Variants in MALRD1 observed in about 807,000 individuals in gnomAD.
MALRD1 encodes MAM and LDL receptor class A domain containing 1.
In MALRD1, 247 loss-of-function variants were observed where a neutral mutation model predicts 242.1. That is an observed-to-expected ratio of 1.02 (90% CI 0.92 to 1.13). The LOEUF (loss-of-function observed/expected upper bound fraction) is 1.13. MALRD1 is among the 50% of genes most tolerant of loss of function. MALRD1 has a pLI of 0.00. For missense variants in MALRD1, 2,989 were observed against 2,533.1 expected (o/e 1.18, Z -3.86); for synonymous variants, 995 against 866.6 (o/e 1.15, Z -2.60).
chr10:19,559,162 G>C (rs531082227), intron 32 of MALRD1, among the ~76,000 whole-genome samples: 9 of 151,824 alleles, frequency 5.9e-5, no homozygotes, highest in African/African-American at 2.2e-4. Flanking sequence ...CAGCCTGGGT[G>C]ACAGAACAAG....
chr10:19,594,017 A>G (rs1214356806), intron 33 of MALRD1, among the ~76,000 whole-genome samples: 2 of 152,118 alleles, frequency 1.3e-5, no homozygotes, highest in African/African-American at 4.8e-5. Context: ...GCGGATCTCT[A>G]TTTCTGTGGC....
At chr10:19,414,944 A>C (rs1332324288) in intron 28 of MALRD1, among the ~76,000 whole-genome samples, 2 of 152,186 alleles carry the variant, frequency 1.3e-5, no homozygotes, top group Non-Finnish European at 2.9e-5. Context: ...AAATGATCTT[A>C]TTTTCCATAA....
intron 18 of MALRD1, among the ~76,000 whole-genome samples, chr10:19,257,458 A>C (rs927429986): frequency 2.0e-5 from 3 of 152,102 alleles, no homozygotes; most frequent in Non-Finnish European, 2.9e-5. Context: ...AAGAAATGCA[A>C]TGAGTTCCAT....
intron 36 of MALRD1, among the ~76,000 whole-genome samples, chr10:19,641,079 A>G (rs1477898162): frequency 6.6e-6 from 1 of 152,174 alleles, no homozygotes; most frequent in African/African-American, 2.4e-5. Flanking sequence ...GACCTTTGGC[A>G]TGCATTTATC....
intron 35 of MALRD1, among the ~76,000 whole-genome samples, chr10:19,611,547 G>C (rs1838896121): frequency 1.3e-5 from 2 of 151,920 alleles, no homozygotes; most frequent in Non-Finnish European, 2.9e-5. Context: ...CCAACACAAA[G>C]GGGTACAAAC....
chr10:19,163,371 G>C (rs894431736), intron 12 of MALRD1, among the ~76,000 whole-genome samples: 9 of 151,768 alleles, frequency 5.9e-5, no homozygotes, highest in African/African-American at 2.2e-4. Context: ...TGGAGCTGGA[G>C]GCCATTATCC....
At chr10:19,373,055 A>T (rs1208578161) in intron 26 of MALRD1, among the ~76,000 whole-genome samples, 2 of 152,036 alleles carry the variant, frequency 1.3e-5, no homozygotes, top group African/African-American at 4.8e-5. Context: ...AATTTTAAAG[A>T]TGAAAAGTCT....
chr10:19,495,692 G>A (rs148013050), intron 30 of MALRD1, among the ~76,000 whole-genome samples: 13 of 152,240 alleles, frequency 8.5e-5, no homozygotes, highest in African/African-American at 2.6e-4. Context: ...ACCAGCTAAT[G>A]ACATGATGAC....
chr10:19,565,231 G>A (rs1270183273), intron 32 of MALRD1, among the ~76,000 whole-genome samples: 2 of 152,112 alleles, frequency 1.3e-5, no homozygotes, highest in Non-Finnish European at 2.9e-5. Context: ...GTGTGGTTTT[G>A]AGAAGTAGAG....
At chr10:19,694,955 A>C (rs1301304946) in intron 38 of MALRD1, among the ~76,000 whole-genome samples, 1 of 152,204 alleles carries the variant, frequency 6.6e-6, no homozygotes, top group African/African-American at 2.4e-5. Flanking sequence ...CATCATTCTC[A>C]GCAAACTACC....
chr10:19,105,066 T>C (rs1836416229), intron 5 of MALRD1, among the ~76,000 whole-genome samples: 1 of 152,022 alleles, frequency 6.6e-6, no homozygotes, highest in African/African-American at 2.4e-5. Flanking sequence ...TTTGAAATAA[T>C]ATAATATCGT....
rs1038880849 is a variant in MALRD1 at position 19,273,621 on chromosome 10, A to G, written c.3080-6426A>G. 3.2e-4 allele frequency among the ~76,000 whole-genome samples: 49 copies of G among 152,346 alleles called. 1 individual carries two copies. The highest frequency in any genetic ancestry group is 8.3e-4 in the South Asian group (4 of 4,830). ...TGCCTGTTACTAAGCAGAAGAAGCC[A>G]ATATGAAAAGGCTACATACCCTATG... On this transcript the variant is annotated intron_variant, in intron 19 of 39. Coordinates refer to ENST00000454679, the MANE Select transcript of MALRD1 (RefSeq NM_001142308.3).
At chr10:19,327,427 AT>A (rs1229499352) in intron 22 of MALRD1, 135 bp from the exon 23 acceptor site, 1 of 606,316 alleles carries the variant, frequency 1.6e-6, no homozygotes, top group East Asian at 2.8e-5. Context: ...CTAATAAAAA[AT>A]ATCTTAGCTC....
intron 14 of MALRD1, among the ~76,000 whole-genome samples, chr10:19,188,518 AT>A (rs1454149546): frequency 2.7e-5 from 4 of 149,098 alleles, no homozygotes; most frequent in African/African-American, 9.8e-5. Flanking sequence ...AGGGGAATGA[AT>A]ATTTGAGGAC....
At chr10:19,592,519 C>T (rs1057321440) in intron 33 of MALRD1, among the ~76,000 whole-genome samples, 26 of 152,170 alleles carry the variant, frequency 1.7e-4, no homozygotes, top group African/African-American at 6.0e-4. Context: ...GGGGAATGAA[C>T]ACCTTGATGT....
At chr10:19,426,310 TA>T (rs1182409764) in intron 28 of MALRD1, among the ~76,000 whole-genome samples, 1 of 152,136 alleles carries the variant, frequency 6.6e-6, no homozygotes. Flanking sequence ...GAGTTCAAAA[TA>T]AAGTAAATAT....
At chr10:19,289,618 G>A (rs974801135) in intron 21 of MALRD1, among the ~76,000 whole-genome samples, 1 of 152,076 alleles carries the variant, frequency 6.6e-6, no homozygotes, top group Non-Finnish European at 1.5e-5. Flanking sequence ...CTCAGCCAAG[G>A]AAGGCTTGAG....
intron 28 of MALRD1, among the ~76,000 whole-genome samples, chr10:19,427,956 G>A (rs867580305): frequency 6.6e-6 from 1 of 152,100 alleles, no homozygotes; most frequent in Non-Finnish European, 1.5e-5. Context: ...ACACATGAGT[G>A]CAGCCTAAAT....
intron 33 of MALRD1, among the ~76,000 whole-genome samples, chr10:19,590,211 G>A (rs539687377): frequency 1.4e-4 from 21 of 150,810 alleles, no homozygotes; most frequent in African/African-American, 4.4e-4. Flanking sequence ...AACATGAGGT[G>A]TTGGTTACAA....
Sources: gnomAD v4.1 joint callset for allele counts (sites outside exome capture counted in the v4.1 genomes callset) on GRCh38, gnomAD v4.1.1 for gene constraint, MANE v1.5 for transcripts, NCBI Gene and HGNC (gene_info 2026-07-23, HGNC 2026-07-21) for gene names.